STPG2: variants seen among roughly 807,000 people sequenced by gnomAD.
STPG2 encodes the protein sperm-tail PG-rich repeat-containing protein 2.
Under a neutral mutation model 54.2 loss-of-function variants are expected in STPG2, and 56 were observed. The ratio of observed to expected loss-of-function variants is 1.03; its 90% CI spans 0.83 to 1.29. The LOEUF (loss-of-function observed/expected upper bound fraction) is 1.29. Among genes scored for constraint, STPG2 ranks in the 50% most tolerant of loss-of-function variants. The probability of loss-of-function intolerance (pLI) is 0.00; values close to 1 mark genes in which losing one functional copy is unlikely to be tolerated. For missense variants in STPG2, 596 were observed against 544.9 expected (o/e 1.09, Z -0.93); for synonymous variants, 200 against 181.8 (o/e 1.10, Z -0.81).
chr4:98,018,578 C>T (rs1465023706), intron 5 of STPG2, among the ~76,000 whole-genome samples: 13 of 152,140 alleles, frequency 8.5e-5, no homozygotes, highest in Non-Finnish European at 1.9e-4. Flanking sequence ...ATCTAGATCC[C>T]TGAGGAATCA....
chr4:97,970,713 GA>G (rs1472420851), intron 7 of STPG2, among the ~76,000 whole-genome samples: 11 of 152,178 alleles, frequency 7.2e-5, no homozygotes, highest in African/African-American at 2.7e-4. Flanking sequence ...ATCCCTAGAA[GA>G]AAACCTAGGC....
chr4:97,562,220 A>G (rs1460306995), intron 10 of STPG2, among the ~76,000 whole-genome samples: 1 of 152,070 alleles, frequency 6.6e-6, no homozygotes, highest in Non-Finnish European at 1.5e-5. Flanking sequence ...ATGGGAGTTC[A>G]CTCATGATTT....
At chr4:97,983,366 T>C (rs981214327) in intron 5 of STPG2, among the ~76,000 whole-genome samples, 7 of 152,220 alleles carry the variant, frequency 4.6e-5, no homozygotes, top group African/African-American at 1.7e-4. Flanking sequence ...CAATAGCCAA[T>C]TTGTAGCTAA....
intron 8 of STPG2, among the ~76,000 whole-genome samples, chr4:97,866,231 A>C (rs564340806): frequency 1.3e-5 from 2 of 152,112 alleles, no homozygotes; most frequent in Admixed American, 1.3e-4. Flanking sequence ...TGTACATTTT[A>C]ATATAACTAA....
chr4:97,743,427 C>A (rs1200614327), intron 9 of STPG2, among the ~76,000 whole-genome samples: 2 of 151,616 alleles, frequency 1.3e-5, no homozygotes, highest in African/African-American at 2.4e-5. Flanking sequence ...TTTACACAAC[C>A]AAAGACATCT....
chr4:98,004,526 T>C (rs1322888827), intron 5 of STPG2, among the ~76,000 whole-genome samples: 1 of 152,168 alleles, frequency 6.6e-6, no homozygotes, highest in Non-Finnish European at 1.5e-5. Flanking sequence ...TTCCAGATCA[T>C]ATGGTAGTTC....
chr4:97,557,744 G>A (rs542143725), downstream of STPG2, among the ~76,000 whole-genome samples: 81 of 152,270 alleles, frequency 5.3e-4, no homozygotes, highest in South Asian at 0.015. Flanking sequence ...TAATGCAGGC[G>A]GAAAGGATTT....
intron 9 of STPG2, among the ~76,000 whole-genome samples, chr4:97,725,766 C>T (rs910315603): frequency 6.6e-6 from 1 of 151,210 alleles, no homozygotes; most frequent in Non-Finnish European, 1.5e-5. Flanking sequence ...AGATAGAATT[C>T]TTCAAATGTA....
chr4:97,540,477 T>A (rs1230308348), intron 4 of STPG2, among the ~76,000 whole-genome samples: 1 of 152,140 alleles, frequency 6.6e-6, no homozygotes, highest in East Asian at 1.9e-4. Context: ...ATTGAGGTAA[T>A]AATTAATAGC....
chr4:97,802,253 T>A (rs1727422881), intron 9 of STPG2, among the ~76,000 whole-genome samples: 1 of 152,136 alleles, frequency 6.6e-6, no homozygotes, highest in Non-Finnish European at 1.5e-5. Context: ...CACCTCAGAT[T>A]CATCTCTGCA....
chr4:97,641,225 C>G (rs915984053), intron 10 of STPG2, among the ~76,000 whole-genome samples: 2 of 151,222 alleles, frequency 1.3e-5, no homozygotes, highest in African/African-American at 4.8e-5. Context: ...TGTAAAAAAC[C>G]TAAGGAATAT....
chr4:98,117,718 G>T (rs1739561445), intron 3 of STPG2, among the ~76,000 whole-genome samples: 1 of 151,920 alleles, frequency 6.6e-6, no homozygotes, highest in African/African-American at 2.4e-5. Flanking sequence ...GGCTCCTCTA[G>T]AAAGTTTTTC....
chr4:97,508,571 C>T (rs1159882001), intron 4 of STPG2, among the ~76,000 whole-genome samples: 1 of 151,942 alleles, frequency 6.6e-6, no homozygotes, highest in African/African-American at 2.4e-5. Flanking sequence ...AAAAATGCAA[C>T]ATACCATATC....
intron 4 of STPG2, among the ~76,000 whole-genome samples, chr4:97,481,788 G>GA (rs527514537): frequency 8.7e-4 from 131 of 151,164 alleles, no homozygotes; most frequent in African/African-American, 2.8e-3. Flanking sequence ...TTTTGTCTGT[G>GA]AAAAAAAGAC....
At chr4:97,770,658 C>T (rs1434460339) in intron 9 of STPG2, among the ~76,000 whole-genome samples, 3 of 152,172 alleles carry the variant, frequency 2.0e-5, no homozygotes, top group African/African-American at 7.2e-5. Flanking sequence ...CAAATGTTAA[C>T]ATTAGAAGTG....
intron 9 of STPG2, among the ~76,000 whole-genome samples, chr4:97,759,790 T>A (rs1298903177): frequency 2.0e-5 from 3 of 152,152 alleles, no homozygotes; most frequent in Non-Finnish European, 2.9e-5. Flanking sequence ...CGGCATTCCT[T>A]TTTCTACCTA....
intron 10 of STPG2, among the ~76,000 whole-genome samples, chr4:97,607,335 A>T (rs1733622070): frequency 6.6e-6 from 1 of 151,932 alleles, no homozygotes; most frequent in South Asian, 2.1e-4. Flanking sequence ...TCCCAGACTT[A>T]TATAAGGAGC....
chr4:97,757,512 C>A (rs1215195139), intron 9 of STPG2, among the ~76,000 whole-genome samples: 3 of 152,166 alleles, frequency 2.0e-5, no homozygotes, highest in African/African-American at 7.2e-5. Context: ...TTGAAATCTT[C>A]TTTAGGTCAC....
At chr4:97,803,820 C>T (rs1578579415) in intron 9 of STPG2, among the ~76,000 whole-genome samples, 1 of 152,122 alleles carries the variant, frequency 6.6e-6, no homozygotes, top group Admixed American at 6.6e-5. Context: ...CAATTACAGG[C>T]GTGAGCCACC....
Sources: gnomAD v4.1 joint callset for allele counts (sites outside exome capture counted in the v4.1 genomes callset) on GRCh38, gnomAD v4.1.1 for gene constraint, MANE v1.5 for transcripts, NCBI Gene and HGNC (gene_info 2026-07-23, HGNC 2026-07-21) for gene names.